Variants in COL14A1 observed in about 807,000 individuals in gnomAD.
COL14A1 encodes collagen type XIV alpha 1 chain, also known as collagen alpha-1(XIV) chain.
In COL14A1, 136 loss-of-function variants were observed where a neutral mutation model predicts 230.3. That is an observed-to-expected ratio of 0.59 (90% confidence interval 0.51 to 0.68). The LOEUF is 0.68. Among genes scored for constraint, COL14A1 ranks in the 30% least tolerant of loss-of-function variants. The probability of loss-of-function intolerance (pLI) is 0.00; values close to 1 mark genes in which losing one functional copy is unlikely to be tolerated. For synonymous variants in COL14A1, 792 were observed against 784.1 expected (o/e 1.01, Z -0.17); for missense variants, 1,976 against 2,215.8 (o/e 0.89, Z 2.17).
chr8:120,323,815 C>G (rs1057288051), intron 40 of COL14A1, among the ~76,000 whole-genome samples: 3 of 152,086 alleles, frequency 2.0e-5, no homozygotes, highest in Non-Finnish European at 4.4e-5. Context: ...TTTTGGTTAT[C>G]GTACCTCTGT....
rs115728758 is a variant in COL14A1, at chr8:120,332,143, C to A, written c.4662C>A (p.Gly1554=). 7.9e-4 allele frequency: 1,281 copies of A among 1,614,040 alleles called. No individual in the cohort carries two copies. The highest frequency in any genetic ancestry group is 1.0e-3 in the Non-Finnish European group (1,202 of 1,179,932). The change falls in exon 41 of 48, where the codon GGC becomes GGA. Residue 1554 remains glycine (G), a splice_region_variant and synonymous_variant. Coordinates refer to ENST00000297848, the MANE Select transcript of COL14A1 (RefSeq NM_021110.4). The part of the protein sequence containing the change: ...PGRDGSPGQR[G]LPGKDGSSGP... Reference sequence around the variant, plus strand: ...CATGCTGTGTTTCTTTTCGCCAGGGCCTTCCGGGAAAGGATGGATCCTCGG... The same window carrying A: ...CATGCTGTGTTTCTTTTCGCCAGGGACTTCCGGGAAAGGATGGATCCTCGG...
intron 36 of COL14A1, among the ~76,000 whole-genome samples, chr8:120,309,555 A>T (rs76088750): frequency 6.6e-6 from 1 of 152,142 alleles, no homozygotes; most frequent in Non-Finnish European, 1.5e-5. Flanking sequence ...TTTCAGAAAG[A>T]TGAAACTAAT....
intron 45 of COL14A1, among the ~76,000 whole-genome samples, chr8:120,361,901 G>T (rs1040912455): frequency 6.6e-6 from 1 of 152,244 alleles, no homozygotes; most frequent in Middle Eastern, 3.2e-3. Context: ...CCAGCCCCTG[G>T]ACATGTTAGT....
intron 5 of COL14A1, among the ~76,000 whole-genome samples, chr8:120,178,816 C>T (rs1226689035): frequency 2.0e-5 from 3 of 152,112 alleles, no homozygotes; most frequent in Admixed American, 6.6e-5. Context: ...ATTTGAGTTT[C>T]TCTAATGACC....
At chr8:120,183,820 G>C (rs1816556503) in intron 5 of COL14A1, among the ~76,000 whole-genome samples, 1 of 152,100 alleles carries the variant, frequency 6.6e-6, no homozygotes, top group Admixed American at 6.5e-5. Flanking sequence ...TAATTGCAAG[G>C]CTTGTCCATA....
chr8:120,137,255 A>T (rs139604079), intron 1 of COL14A1, among the ~76,000 whole-genome samples: 16 of 152,248 alleles, frequency 1.1e-4, no homozygotes, highest in African/African-American at 3.1e-4. Context: ...ATTGGCAAAA[A>T]GTTATTTGTA....
intron 42 of COL14A1, among the ~76,000 whole-genome samples, chr8:120,340,363 A>G (rs1490075562): frequency 1.3e-5 from 2 of 152,194 alleles, no homozygotes; most frequent in Non-Finnish European, 2.9e-5. Context: ...AAGCCAGTTT[A>G]CCTGCACACT....
intron 2 of COL14A1, among the ~76,000 whole-genome samples, chr8:120,156,310 C>T (rs902490160): frequency 2.0e-5 from 3 of 152,110 alleles, no homozygotes; most frequent in African/African-American, 7.2e-5. Flanking sequence ...GCTGGGACTA[C>T]AGGCGTGTGC....
intron 5 of COL14A1, among the ~76,000 whole-genome samples, chr8:120,192,112 C>G (rs1335406343): frequency 6.6e-6 from 1 of 152,038 alleles, no homozygotes; most frequent in Non-Finnish European, 1.5e-5. Context: ...TTATTTTGCT[C>G]ATTAGTTGAT....
intron 5 of COL14A1, among the ~76,000 whole-genome samples, chr8:120,185,538 G>T (rs1008117849): frequency 6.6e-6 from 1 of 151,982 alleles, no homozygotes; most frequent in Non-Finnish European, 1.5e-5. Flanking sequence ...CATGTGATGT[G>T]TGCCTATTGT....
intron 47 of COL14A1, chr8:120,370,608 A>G: frequency 1.4e-6 from 2 of 1,451,554 alleles, no homozygotes; most frequent in South Asian, 2.8e-5. Context: ...ATAGACACTG[A>G]CTGCTCCATG....
chr8:120,360,522 G>A (rs1010045820), intron 45 of COL14A1, among the ~76,000 whole-genome samples: 8 of 152,178 alleles, frequency 5.3e-5, no homozygotes, highest in Non-Finnish European at 8.8e-5. Context: ...CTTTGCGCAT[G>A]CATGTTCGTC....
rs768882762 is a variant in COL14A1 at position 120,286,711 on chromosome 8, A to G, written c.4077+741A>G. Among the ~76,000 whole-genome samples, 30 of 151,834 alleles carry G rather than the reference A, an allele frequency of 2.0e-4. No homozygotes were observed. In the Middle Eastern group the frequency reaches 0.017, roughly 86 times the overall value. On this transcript the variant is annotated intron_variant, in intron 33 of 47. Coordinates refer to ENST00000297848, the MANE Select transcript of COL14A1 (RefSeq NM_021110.4). ...TTTTTAGTGGAGCCAGGATTTCACCATATTAGCCAGGATGGTCTCGATCTC... is the reference window on the plus strand; with the variant it reads ...TTTTTAGTGGAGCCAGGATTTCACCGTATTAGCCAGGATGGTCTCGATCTC...
chr8:120,187,264 T>C (rs1816680323), intron 5 of COL14A1, among the ~76,000 whole-genome samples: 1 of 152,212 alleles, frequency 6.6e-6, no homozygotes, highest in South Asian at 2.1e-4. Context: ...ATTTGGTAAT[T>C]TCATACTATT....
intron 5 of COL14A1, among the ~76,000 whole-genome samples, chr8:120,189,183 G>A (rs1816737570): frequency 6.6e-6 from 1 of 152,202 alleles, no homozygotes; most frequent in South Asian, 2.1e-4. Context: ...CCAAGTATAT[G>A]AACAGCTGTT....
intron 43 of COL14A1, 126 bp from the exon 44 acceptor site, chr8:120,342,254 A>G (rs1822324132): frequency 1.1e-5 from 10 of 876,164 alleles, no homozygotes; most frequent in Non-Finnish European, 1.5e-5. Context: ...GGTCAAACCC[A>G]CCTGTTGCTA....
At chr8:120,180,202 A>G (rs1317567031) in intron 5 of COL14A1, among the ~76,000 whole-genome samples, 2 of 152,220 alleles carry the variant, frequency 1.3e-5, no homozygotes, top group African/African-American at 4.8e-5. Context: ...TGGGAATACT[A>G]CTATTCTGTA....
At chr8:120,178,767 A>C (rs987107590) in intron 5 of COL14A1, among the ~76,000 whole-genome samples, 26 of 152,230 alleles carry the variant, frequency 1.7e-4, no homozygotes, top group Non-Finnish European at 2.9e-4. Context: ...ATAGATTGCC[A>C]TTCTAACTGG....
intron 23 of COL14A1, among the ~76,000 whole-genome samples, chr8:120,255,604 T>C (rs1252648062): frequency 1.3e-5 from 2 of 152,170 alleles, no homozygotes; most frequent in African/African-American, 2.4e-5. Flanking sequence ...TAGAGTTCTG[T>C]GAAGATAAAG....
Sources: gnomAD v4.1 joint callset for allele counts (sites outside exome capture counted in the v4.1 genomes callset) on GRCh38, gnomAD v4.1.1 for gene constraint, MANE v1.5 for transcripts, NCBI Gene and HGNC (gene_info 2026-07-23, HGNC 2026-07-21) for gene names.